Variants in SAP130 observed in about 807,000 individuals in gnomAD.
SAP130 encodes histone deacetylase complex subunit SAP130.
In SAP130, 16 loss-of-function variants were observed where a neutral mutation model predicts 103.2. The ratio of observed to expected loss-of-function variants is 0.16; its 90% CI spans 0.10 to 0.24. The LOEUF is 0.24. SAP130 is among the 10% of genes least tolerant of loss of function. The probability of loss-of-function intolerance (pLI) is 1.00; values close to 1 mark genes in which losing one functional copy is unlikely to be tolerated. For synonymous variants in SAP130, 477 were observed against 497.0 expected, an observed-to-expected ratio of 0.96 and a Z score of 0.53; for missense variants, 990 against 1,359.7, an observed-to-expected ratio of 0.73 and a Z score of 4.28.
intron 2 of SAP130, among the ~76,000 whole-genome samples, chr2:128,019,625 C>A (rs1020919823): frequency 1.3e-5 from 2 of 152,112 alleles, no homozygotes; most frequent in Admixed American, 1.3e-4. Context: ...GTGGTTCACG[C>A]CTGTAATCCC....
intron 14 of SAP130, among the ~76,000 whole-genome samples, chr2:127,980,253 T>A (rs1681768391): frequency 6.6e-6 from 1 of 152,020 alleles, no homozygotes; most frequent in African/African-American, 2.4e-5. Flanking sequence ...ACCAACTGCA[T>A]TGCTGCCAAC....
At chr2:128,004,437 G>A (rs939365096) in intron 7 of SAP130, among the ~76,000 whole-genome samples, 1 of 143,506 alleles carries the variant, frequency 7.0e-6, no homozygotes. Flanking sequence ...TGAATTCCTA[G>A]GCTCAGACAA....
chr2:128,010,179 T>A, intron 7 of SAP130, 90 bp downstream of exon 7: 1 of 1,365,510 alleles, frequency 7.3e-7, no homozygotes. Context: ...AGCCACTCAA[T>A]AAATATTTAC....
Position 127,950,279 on chromosome 2 carries a change from A to G in SAP130, c.2552T>C (p.Val851Ala). The part of the protein sequence containing the change: ...PRKKPRKQQH[V>A]ISTEEGDMME... ...CATGTCACCTTCTTCTGTTGAGATC[A>G]CATGCTGTTGCTTTCGAGGCTTTTT... Residue 851 changes from valine to alanine, a missense_variant, in exon 17 of 21, where the codon GTG becomes GCG. By Grantham distance (64) the Val-to-Ala change is moderately conservative. Around this residue, in one of 6 missense-constraint regions of SAP130, gnomAD observed 8 missense variants for 28.6 expected, o/e 0.28. Coordinates refer to ENST00000643581, the MANE Select transcript of SAP130 (RefSeq NM_001330301.2). The G allele has an allele frequency of 5.6e-6, 9 of 1,614,160 alleles. No individual in the cohort carries two copies. Among genetic ancestry groups the G allele is most frequent in the Non-Finnish European group, 7.6e-6 (9 of 1,180,026 alleles).
In SAP130 at chr2:128,016,309, G is replaced by A. The variant is rs1026938379; in HGVS notation, c.507+80C>T. The stretch of plus-strand genomic sequence containing the variant: ...ATCTTTTTTTATTACCGTGACTAAT[G>A]TACTGCTAGCATTCAATAAATCATG... On this transcript the variant is annotated intron_variant, in intron 4 of 20. Transcript: ENST00000643581. The A allele has an allele frequency of 3.6e-6, 5 of 1,404,146 alleles. No homozygotes were observed. The Admixed American group carries it at 7.4e-5, about 21-fold the overall frequency. 87.0% of individuals were successfully genotyped at this position (1,404,146 alleles called of 1,614,324 possible). A position where few individuals can be genotyped will look rare whatever the true frequency, so the allele number is the denominator to read the frequency against.
Position 128,017,733 on chromosome 2 carries a change from G to A in SAP130, c.295C>T (p.Pro99Ser). ...SATPVAVTAP[P>S]AHLTPAVPLS... ...GGCACTGCTGGCGTCAGGTGTGCTG[G>A]CGGGGCTGTCACTGCAACAGGTGTG... The change falls in exon 3 of 21, where the codon CCA (proline) becomes TCA (serine). Residue 99 changes from proline to serine, a missense_variant. This residue lies in a region of SAP130 where 167 missense variants were observed against 187.4 expected (regional missense o/e 0.89). Transcript: ENST00000643581. 1 of 1,614,196 alleles carries A rather than the reference G, an allele frequency of 6.2e-7. No homozygotes were observed. Among genetic ancestry groups the A allele is most frequent in the Non-Finnish European group, 8.5e-7 (1 of 1,180,032 alleles).
intron 15 of SAP130, among the ~76,000 whole-genome samples, chr2:127,967,681 C>A (rs189194760): frequency 6.6e-6 from 1 of 152,328 alleles, no homozygotes; most frequent in Non-Finnish European, 1.5e-5. Context: ...CAGGCGTGAG[C>A]CACTGTGCCC....
intron 15 of SAP130, among the ~76,000 whole-genome samples, chr2:127,971,230 G>C (rs1038312847): frequency 6.6e-6 from 1 of 151,672 alleles, no homozygotes. Flanking sequence ...TAGAATTATA[G>C]GCATGAACCA....
rs749613051 is a variant in SAP130 at position 128,017,841 on chromosome 2, G to A, written c.187C>T (p.Arg63Trp). 5.6e-6 allele frequency: 9 copies of A among 1,614,196 alleles called. No homozygotes were observed. The highest frequency in any genetic ancestry group is 1.7e-5 in the Admixed American group (1 of 60,028). The change falls in exon 3 of 21, where the codon CGG (arginine) becomes TGG (tryptophan). Residue 63 changes from arginine (R) to tryptophan (W), a missense_variant. By Grantham distance (101) the Arg-to-Trp change is moderately radical (BLOSUM62 -3). This residue lies in a region of SAP130 where 167 missense variants were observed against 187.4 expected (regional missense o/e 0.89). Transcript: ENST00000643581. ...HMSSSSSLQSREEKQEPVVVR... is the reference protein window; with the variant it reads ...HMSSSSSLQSWEEKQEPVVVR... ...ACAACAGGCTCTTGCTTCTCCTCCC[G>A]GGACTGGAGGGAGCTGCTGGAACTC...
intron 11 of SAP130, among the ~76,000 whole-genome samples, chr2:127,993,580 G>C (rs941015768): frequency 6.6e-6 from 1 of 151,908 alleles, no homozygotes; most frequent in South Asian, 2.1e-4. Context: ...CTGAAAACCA[G>C]TTCACAAAAT....
At chr2:127,980,218 T>G (rs1445325400) in intron 14 of SAP130, among the ~76,000 whole-genome samples, 1 of 151,822 alleles carries the variant, frequency 6.6e-6, no homozygotes, top group Non-Finnish European at 1.5e-5. Flanking sequence ...ATAACAAAAA[T>G]AAGGATAAAA....
rs756031322 is a variant in SAP130, at chr2:128,000,037, A to G, written c.1108+19T>C. 3.7e-6 allele frequency: 6 copies of G among 1,610,158 alleles called. No homozygotes were observed. The highest frequency in any genetic ancestry group is 5.1e-6 in the Non-Finnish European group (6 of 1,176,418). On this transcript the variant is annotated intron_variant, in intron 9 of 20. Transcript: ENST00000643581. ...CTCCTTTTTCCCCAGTAGAAGGAAG[A>G]GGAGGGTCGTGGACTTACCAGCTGT...
chr2:128,004,681 G>C (rs1683834432), intron 7 of SAP130, among the ~76,000 whole-genome samples: 1 of 152,196 alleles, frequency 6.6e-6, no homozygotes, highest in South Asian at 2.1e-4. Flanking sequence ...AAAAAGCAAA[G>C]GATCTAGGGT....
intron 7 of SAP130, among the ~76,000 whole-genome samples, chr2:128,009,142 G>T (rs76462594): frequency 1.3e-5 from 2 of 152,022 alleles, no homozygotes; most frequent in African/African-American, 4.8e-5. Flanking sequence ...GCCTGCCCCA[G>T]TGATTCCTCA....
At chr2:127,956,702 T>TAAAAAAAAA (rs55931869) in intron 15 of SAP130, among the ~76,000 whole-genome samples, 8 of 111,256 alleles carry the variant, frequency 7.2e-5, no homozygotes, top group Non-Finnish European at 1.1e-4. Flanking sequence ...TAAAGTATAA[T>TAAAAAAAAA]AAAAAAAAAA....
In SAP130 at chr2:127,996,223, T is replaced by G. The variant is rs1033023439; in HGVS notation, c.1355+127A>C. ...AAAGGAATTATACGAAGTGTTACTT[T>G]CAGGGGAAAATCTGAAAACATGAGT... On this transcript the variant is annotated intron_variant, in intron 11 of 20. Coordinates refer to ENST00000643581, the MANE Select transcript of SAP130 (RefSeq NM_001330301.2). The surrounding 1 kb of genome is among the most constrained non-coding windows in gnomAD (Gnocchi z 4.3). 1 of 948,246 alleles carries G rather than the reference T, an allele frequency of 1.1e-6. No individual in the cohort carries two copies. The highest frequency in any genetic ancestry group is 1.7e-5 in the African/African-American group (1 of 59,330). 58.7% of individuals were successfully genotyped at this position (948,246 alleles called of 1,614,324 possible).
intron 15 of SAP130, among the ~76,000 whole-genome samples, chr2:127,971,647 C>G (rs758719444): frequency 6.6e-6 from 1 of 152,166 alleles, no homozygotes; most frequent in Non-Finnish European, 1.5e-5. Context: ...TTAATTTTGC[C>G]TTCCTTCTGT....
chr2:127,951,397 C>T (rs913869538), intron 16 of SAP130, among the ~76,000 whole-genome samples: 1 of 152,208 alleles, frequency 6.6e-6, no homozygotes, highest in East Asian at 1.9e-4. Context: ...ACTTTCCTGT[C>T]ACCATTAAAT....
Position 127,949,921 on chromosome 2 carries a change from G to C in SAP130, c.2745C>G (p.Pro915=), listed in dbSNP as rs1283965831. The change falls in exon 18 of 21, where the codon CCC becomes CCG. Residue 915 remains proline, a synonymous_variant. Transcript: ENST00000643581. ...PITLLRHYRN[P]WKAAYHHFQR... Reference sequence around the variant, plus strand: ...GAAAGTGGTGGTAAGCAGCTTTCCAGGGGTTCCGATAGTGACGAAGCAAAG... The same window carrying C: ...GAAAGTGGTGGTAAGCAGCTTTCCACGGGTTCCGATAGTGACGAAGCAAAG... 1 of 1,614,162 alleles carries C rather than the reference G, an allele frequency of 6.2e-7. No homozygotes were observed. Among genetic ancestry groups the C allele is most frequent in the Non-Finnish European group, 8.5e-7 (1 of 1,180,026 alleles).
Sources: gnomAD v4.1 joint callset for allele counts (sites outside exome capture counted in the v4.1 genomes callset) on GRCh38, gnomAD v4.1.1 for gene constraint, gnomAD v4.1.1 regional missense constraint, Gnocchi (gnomAD v3.1) non-coding constraint, MANE v1.5 for transcripts, NCBI Gene and HGNC (gene_info 2026-07-23, HGNC 2026-07-21) for gene names.